The following RNPEPL1 variants were observed in gnomAD, a reference collection of about 807,000 sequenced individuals.
The protein encoded by RNPEPL1 is arginyl aminopeptidase like 1.
In RNPEPL1, 46 loss-of-function variants were observed where a neutral mutation model predicts 69.0. That is an observed-to-expected ratio of 0.67 (90% CI 0.53 to 0.85). The LOEUF (loss-of-function observed/expected upper bound fraction) is 0.85, where lower values mean the gene tolerates loss of function less well. Among genes scored for constraint, RNPEPL1 ranks in the 40% least tolerant of loss-of-function variants. The pLI, the probability that RNPEPL1 is intolerant of heterozygous loss-of-function variation, is 0.00. For missense variants in RNPEPL1, 869 were observed against 992.5 expected (o/e 0.88, Z 1.67); for synonymous variants, 525 against 454.1 (o/e 1.16, Z -1.98).
chr2:240,576,940 AACG>A lies in RNPEPL1; in HGVS notation c.1837_1839del (p.Asp613del). On this transcript the variant is annotated inframe_deletion, in exon 10 of 11. Coordinates refer to ENST00000270357, the MANE Select transcript of RNPEPL1 (RefSeq NM_018226.6). ...CCGCTGGCTGCAGATTGTGGTCCGCAACGACTACTATCCTGACCTCCACAGGGT... is the reference window on the plus strand; with the variant it reads ...CCGCTGGCTGCAGATTGTGGTCCGCAACTACTATCCTGACCTCCACAGGGT... The A allele has an allele frequency of 6.2e-7, 1 of 1,613,458 alleles. No individual in the cohort carries two copies.
chr2:240,573,985 C>T, intron 4 of RNPEPL1, 94 bp downstream of exon 4: 1 of 1,372,590 alleles, frequency 7.3e-7, no homozygotes, highest in Non-Finnish European at 1.0e-6. Context: ...GTCCCCATCT[C>T]CTGGGGAGGA....
At position 240,575,581 on chromosome 2, in the gene RNPEPL1, T is replaced by C; in HGVS notation, c.1481T>C (p.Leu494Pro). The C allele has an allele frequency of 6.2e-7, 1 of 1,613,342 alleles. No homozygotes were observed. The highest frequency in any genetic ancestry group is 8.5e-7 in the Non-Finnish European group (1 of 1,179,980). Residue 494 changes from leucine (L) to proline (P), a missense_variant, in exon 8 of 11, where the codon CTG becomes CCG. Physicochemically the swap from Leu to Pro is moderately conservative, Grantham distance 98. This residue lies in a region of RNPEPL1 where 610 missense variants were observed against 790.9 expected (regional missense o/e 0.77). Coordinates refer to ENST00000270357, the MANE Select transcript of RNPEPL1 (RefSeq NM_018226.6). Reference protein sequence around the residue: ...LDSFLSFFPELKEQSVDCRAG... With the variant: ...LDSFLSFFPEPKEQSVDCRAG... ...TCCTTCCTGAGCTTCTTCCCGGAGC[T>C]GAAGGAGCAGAGCGTGGACTGCCGG...
At chr2:240,574,081 G>A in intron 4 of RNPEPL1, 32 bp from the exon 5 acceptor site, 1 of 1,591,810 alleles carries the variant, frequency 6.3e-7, no homozygotes, top group Non-Finnish European at 8.6e-7. Flanking sequence ...TGAGCCCCGA[G>A]GTCTGCCACC....
chr2:240,579,864 T>C lies in RNPEPL1; in HGVS notation c.*1972T>C, dbSNP rs1433428281. On this transcript the variant is annotated 3_prime_UTR_variant, in exon 11 of 11. Transcript: ENST00000270357. ...TCCTGGGCTCTTCTTTCTTTTGCAA[T>C]TCAGCTCTCGAAATGACTCTGTGGT... 1 of 152,258 alleles carries C rather than the reference T, an allele frequency of 6.6e-6. No individual in the cohort carries two copies. Among genetic ancestry groups the C allele is most frequent in the Non-Finnish European group, 1.5e-5 (1 of 68,058 alleles). The allele number at this position is 152,258 out of a possible 1,614,324, so 9.4% of individuals were successfully genotyped here.
chr2:240,577,532 C>T, intron 10 of RNPEPL1, 67 bp from the exon 11 acceptor site: 1 of 1,486,948 alleles, frequency 6.7e-7, no homozygotes, highest in Non-Finnish European at 9.0e-7. Context: ...CCTGGCCGGG[C>T]TGGCAGGGTG....
intron 7 of RNPEPL1, 82 bp downstream of exon 7, chr2:240,575,224 G>A (rs995981439): frequency 1.5e-5 from 17 of 1,134,846 alleles, no homozygotes; most frequent in South Asian, 5.0e-5. Flanking sequence ...CTGCTCTTGC[G>A]GCAGTTGGGG....
intron 7 of RNPEPL1, 37 bp downstream of exon 7, chr2:240,575,179 T>C (rs2093034176): frequency 6.5e-7 from 1 of 1,528,158 alleles, no homozygotes; most frequent in Non-Finnish European, 9.1e-7. Flanking sequence ...CCTGCTGCCA[T>C]CTGCCCCCAG....
intron 7 of RNPEPL1, 65 bp downstream of exon 7, chr2:240,575,207 G>A: frequency 7.7e-7 from 1 of 1,294,626 alleles, no homozygotes; most frequent in Non-Finnish European, 1.1e-6. Context: ...CCGGCTCACA[G>A]GGCTGCCTGC....
chr2:240,575,046 C>G lies in RNPEPL1; in HGVS notation c.1305C>G (p.His435Gln). ...VKLEPGVNPS[H>Q]LMNLFTYEKG... is the part of the protein sequence containing the mutation. ...ACCTTGCAGGAGTGAATCCCAGCCA[C>G]CTGATGAACCTGTTCACCTACGAGA... The change falls in exon 7 of 11, where the codon CAC becomes CAG. Residue 435 changes from histidine to glutamine, a missense_variant. By Grantham distance (24) the His-to-Gln change is conservative. Coordinates refer to ENST00000270357, the MANE Select transcript of RNPEPL1 (RefSeq NM_018226.6). 6.2e-7 allele frequency: 1 copy of G among 1,613,718 alleles called. No homozygotes were observed. The highest frequency in any genetic ancestry group is 8.5e-7 in the Non-Finnish European group (1 of 1,179,924).
intron 1 of RNPEPL1, among the ~76,000 whole-genome samples, chr2:240,570,944 G>A (rs2093019501): frequency 6.6e-6 from 1 of 152,184 alleles, no homozygotes; most frequent in Non-Finnish European, 1.5e-5. Flanking sequence ...GGGGCAGTAG[G>A]GAGAGGTGTG....
Position 240,573,809 on chromosome 2 carries a change from A to G in RNPEPL1, c.856A>G (p.Thr286Ala). The G allele has an allele frequency of 1.3e-6, 2 of 1,549,464 alleles. No homozygotes were observed. Among genetic ancestry groups the G allele is most frequent in the Non-Finnish European group, 1.7e-6 (2 of 1,146,440 alleles). Reference protein sequence around the residue: ...RVWAEPCLLPTATSKLSGAVE... With the variant: ...RVWAEPCLLPAATSKLSGAVE... ...GTGGGCCGAGCCATGCCTCCTGCCC[A>G]CGGCCACCAGCAAGCTGTCGGGCGC... Residue 286 changes from threonine to alanine, a missense_variant, in exon 4 of 11, where the codon ACG becomes GCG. Around this residue, in one of 2 missense-constraint regions of RNPEPL1, gnomAD observed 610 missense variants for 790.9 expected, o/e 0.77. Coordinates refer to ENST00000270357, the MANE Select transcript of RNPEPL1 (RefSeq NM_018226.6).
At chr2:240,570,393 A>AG (rs772433445) in intron 1 of RNPEPL1, among the ~76,000 whole-genome samples, 1 of 152,206 alleles carries the variant, frequency 6.6e-6, no homozygotes, top group East Asian at 1.9e-4. Flanking sequence ...GGCTGTGGAC[A>AG]GGGGGCCTAG....
chr2:240,573,940 A>G, intron 4 of RNPEPL1, 49 bp downstream of exon 4: 3 of 1,527,440 alleles, frequency 2.0e-6, no homozygotes, highest in Non-Finnish European at 2.7e-6. Context: ...GAGGAGTCAG[A>G]GGGGGAGCCC....
chr2:240,574,491 C>T (rs1402148129), intron 5 of RNPEPL1, 24 bp from the exon 6 acceptor site: 7 of 1,596,860 alleles, frequency 4.4e-6, no homozygotes, highest in East Asian at 2.3e-5. Flanking sequence ...CCTCACCTCT[C>T]CTCTGTCTCC....
At chr2:240,572,091 A>C (rs190063005) in intron 1 of RNPEPL1, among the ~76,000 whole-genome samples, 16 of 152,260 alleles carry the variant, frequency 1.1e-4, no homozygotes, top group Non-Finnish European at 2.4e-4. Context: ...GGAAGCTAAG[A>C]TAATGCAATG....
At chr2:240,573,666 G>C in intron 3 of RNPEPL1, 109 bp from the exon 4 acceptor site, 1 of 948,034 alleles carries the variant, frequency 1.1e-6, no homozygotes, top group Non-Finnish European at 1.5e-6. Flanking sequence ...GGTCAGCCAG[G>C]CTGGGTGAGG....
At chr2:240,570,952 G>A (rs1179475328) in intron 1 of RNPEPL1, among the ~76,000 whole-genome samples, 4 of 152,196 alleles carry the variant, frequency 2.6e-5, no homozygotes, top group African/African-American at 7.2e-5. Context: ...AGGGAGAGGT[G>A]TGAGTGGGCA....
rs1430075455 is a variant in RNPEPL1, at chr2:240,568,890, T to C, written c.304T>C (p.Cys102Arg). Residue 102 changes from cysteine (C) to arginine (R), a missense_variant, in exon 1 of 11, where the codon TGC (cysteine) becomes CGC (arginine). By Grantham distance (180) the Cys-to-Arg change is radical. Transcript: ENST00000270357. The surrounding 1 kb of genome is among the most constrained non-coding windows in gnomAD (Gnocchi z 6.2). ...CCCCGCCGCCGCCGCCGAGACGCCC[T>C]GCGCCTTCGCCTTCTCCGCCCCCGG... ...RAPAAAAETP[C>R]AFAFSAPGPG... 13 of 1,267,968 alleles carry C rather than the reference T, an allele frequency of 1.0e-5. No individual in the cohort carries two copies. The highest frequency in any genetic ancestry group is 1.3e-5 in the Non-Finnish European group (13 of 1,008,784). 78.5% of individuals were successfully genotyped at this position (1,267,968 alleles called of 1,614,324 possible).
chr2:240,569,295 T>C, intron 1 of RNPEPL1, 181 bp downstream of exon 1: 2 of 625,248 alleles, frequency 3.2e-6, no homozygotes, highest in East Asian at 3.7e-5. Flanking sequence ...GAAGCCGGAG[T>C]CCTGCGGGGA....
Sources: allele counts gnomAD v4.1 joint callset (sites outside exome capture counted in the v4.1 genomes callset), GRCh38; gene constraint gnomAD v4.1.1; regional missense constraint gnomAD v4.1.1; non-coding constraint Gnocchi (gnomAD v3.1); transcripts MANE v1.5; gene names NCBI Gene and HGNC (gene_info 2026-07-23, HGNC 2026-07-21).